The following NDRG1 variants were observed in gnomAD, a reference collection of about 807,000 sequenced individuals.
The protein encoded by NDRG1 is protein NDRG1.
NDRG1 carries 32 observed loss-of-function variants against 56.9 expected under a neutral mutation model. The observed-to-expected ratio is 0.56, with a 90% CI of 0.42 to 0.76. The LOEUF (loss-of-function observed/expected upper bound fraction) is 0.76. NDRG1 is among the 30% of genes least tolerant of loss of function. The pLI is 0.00. For synonymous variants in NDRG1, 211 were observed against 204.1 expected (o/e 1.03, Z -0.29); for missense variants, 507 against 545.7 (o/e 0.93, Z 0.71).
At chr8:133,265,800 G>A (rs922512996) in intron 3 of NDRG1, among the ~76,000 whole-genome samples, 1 of 152,106 alleles carries the variant, frequency 6.6e-6, no homozygotes, top group African/African-American at 2.4e-5. Flanking sequence ...GAGGGTGGTC[G>A]TGACTCTTTC....
intron 3 of NDRG1, among the ~76,000 whole-genome samples, chr8:133,273,764 A>G (rs973461720): frequency 2.6e-5 from 4 of 152,184 alleles, no homozygotes; most frequent in African/African-American, 9.7e-5. Flanking sequence ...GCCCTGAGAC[A>G]ATGAGTATGC....
Position 133,238,739 on chromosome 8 carries a change from C to T in NDRG1, c.*139G>A. The T allele has an allele frequency of 2.7e-6, 3 of 1,095,200 alleles. No individual in the cohort carries two copies. Among genetic ancestry groups the T allele is most frequent in the Non-Finnish European group, 3.8e-6 (3 of 785,490 alleles). The allele number at this position is 1,095,200 out of a possible 1,614,324, so 67.8% of individuals were successfully genotyped here. On this transcript the variant is annotated 3_prime_UTR_variant, in exon 16 of 16. Transcript: ENST00000323851. ...ACGTAATAGACCTCATTTGTCTCCA[C>T]CAGAGCTCACTCTTACAAAATAAGC...
intron 12 of NDRG1, 152 bp downstream of exon 12, chr8:133,247,723 C>A: frequency 1.2e-6 from 1 of 812,892 alleles, no homozygotes; most frequent in Non-Finnish European, 2.1e-6. Flanking sequence ...AGTGGCTGGG[C>A]CCTCTGCCCA....
rs1004826810 is a variant in NDRG1, at chr8:133,238,583, G to A, written c.*295C>T. 6 of 503,868 alleles carry A rather than the reference G, an allele frequency of 1.2e-5. No individual in the cohort carries two copies. The highest frequency in any genetic ancestry group is 2.1e-5 in the Non-Finnish European group (6 of 283,100). 31.2% of individuals were successfully genotyped at this position (503,868 alleles called of 1,614,324 possible). On this transcript the variant is annotated 3_prime_UTR_variant, in exon 16 of 16. Coordinates refer to ENST00000323851, the MANE Select transcript of NDRG1 (RefSeq NM_006096.4). ...GTGTGCTGCTACGCGTCTTGTTTTT[G>A]GCAGTTTGGTGTCTCTGAGGGAGGG...
At chr8:133,243,987 C>T (rs1488104115) in intron 14 of NDRG1, among the ~76,000 whole-genome samples, 1 of 151,974 alleles carries the variant, frequency 6.6e-6, no homozygotes, top group Admixed American at 6.5e-5. Flanking sequence ...AACATGCATG[C>T]ACACACACAC....
Position 133,238,549 on chromosome 8 carries a change from T to G in NDRG1, c.*329A>C. The G allele has an allele frequency of 5.3e-6, 2 of 380,204 alleles. No individual in the cohort carries two copies. Among genetic ancestry groups the G allele is most frequent in the Non-Finnish European group, 4.8e-6 (1 of 209,952 alleles). 23.6% of individuals were successfully genotyped at this position (380,204 alleles called of 1,614,324 possible). A position where few individuals can be genotyped will look rare whatever the true frequency, so the allele number is the denominator to read the frequency against. Reference sequence around the variant, plus strand: ...TGCTCAGGGCGGCCTAGGCTTGGCTTTGTGAAGTGTGTGCTGCTACGCGTC... The same window carrying G: ...TGCTCAGGGCGGCCTAGGCTTGGCTGTGTGAAGTGTGTGCTGCTACGCGTC... On this transcript the variant is annotated 3_prime_UTR_variant, in exon 16 of 16. Transcript: ENST00000323851.
At chr8:133,284,766 G>A (rs971753647) in intron 1 of NDRG1, 5 of 458,320 alleles carry the variant, frequency 1.1e-5, no homozygotes, top group African/African-American at 4.0e-5. Flanking sequence ...CCACGTATAG[G>A]CATAGTGCAA....
rs11575975 is a variant in NDRG1, at chr8:133,239,210, G to A, written c.944-91C>T. 625 of 1,532,068 alleles carry A rather than the reference G, an allele frequency of 4.1e-4. 3 individuals are homozygous for A. The East Asian group carries it at 0.011, about 28-fold the overall frequency. 94.9% of individuals were successfully genotyped at this position (1,532,068 alleles called of 1,614,324 possible). ...GTCCACCAGCCACATGCTCTTCTAC[G>A]TGCCAGCCCCAGAGAAGACTTGATC... On this transcript the variant is annotated intron_variant, in intron 15 of 15. Coordinates refer to ENST00000323851, the MANE Select transcript of NDRG1 (RefSeq NM_006096.4).
chr8:133,259,510 A>AAGATT, intron 5 of NDRG1: 1 of 498,918 alleles, frequency 2.0e-6, no homozygotes, highest in Non-Finnish European at 3.7e-6. Flanking sequence ...CCCTCATAGC[A>AAGATT]AGATTATAAA....
chr8:133,275,947 TCA>T (rs1857435236), intron 3 of NDRG1, among the ~76,000 whole-genome samples: 2 of 152,158 alleles, frequency 1.3e-5, no homozygotes, highest in Admixed American at 1.3e-4. Context: ...AAAACACAGG[TCA>T]CTGCCTGTCA....
chr8:133,245,572 G>C (rs1855628109), intron 13 of NDRG1, among the ~76,000 whole-genome samples: 1 of 152,118 alleles, frequency 6.6e-6, no homozygotes, highest in South Asian at 2.1e-4. Flanking sequence ...TACTAGCTAA[G>C]GTGAACCAAG....
intron 7 of NDRG1, among the ~76,000 whole-genome samples, chr8:133,257,733 T>C (rs1238355251): frequency 6.6e-6 from 1 of 152,210 alleles, no homozygotes; most frequent in Non-Finnish European, 1.5e-5. Context: ...CCATTTTTAA[T>C]TTGCTGAGAG....
At chr8:133,277,698 T>C (rs1344583325) in intron 3 of NDRG1, among the ~76,000 whole-genome samples, 3 of 152,206 alleles carry the variant, frequency 2.0e-5, no homozygotes, top group Non-Finnish European at 4.4e-5. Context: ...GGATGTTACG[T>C]GTATGTTTCC....
intron 5 of NDRG1, among the ~76,000 whole-genome samples, chr8:133,260,725 C>A (rs1856619125): frequency 6.6e-6 from 1 of 152,178 alleles, no homozygotes; most frequent in Non-Finnish European, 1.5e-5. Context: ...CCTTCCCTTC[C>A]TCTCTGATAA....
chr8:133,248,810 C>G, intron 10 of NDRG1, 39 bp from the exon 11 acceptor site: 1 of 1,613,070 alleles, frequency 6.2e-7, no homozygotes. Flanking sequence ...GAGGACCCCT[C>G]CCCTGGAGAA....
At chr8:133,241,928 A>T in intron 15 of NDRG1, 95 bp downstream of exon 15, 3 of 1,420,390 alleles carry the variant, frequency 2.1e-6, no homozygotes, top group South Asian at 1.1e-5. Flanking sequence ...GGCCAGGGGG[A>T]CACAGAATTG....
intron 5 of NDRG1, 161 bp from the exon 6 acceptor site, chr8:133,259,391 C>G: frequency 1.4e-6 from 1 of 702,364 alleles, no homozygotes; most frequent in East Asian, 2.7e-5. Flanking sequence ...TTCCAAGACC[C>G]CTGCAGCACA....
intron 3 of NDRG1, among the ~76,000 whole-genome samples, chr8:133,271,979 G>A (rs1182248340): frequency 6.6e-6 from 1 of 152,044 alleles, no homozygotes; most frequent in Non-Finnish European, 1.5e-5. Context: ...TGAAGTATAG[G>A]TGCCCAATGA....
In NDRG1 at chr8:133,262,161, G is replaced by T. The variant is rs1554591949; in HGVS notation, c.212C>A (p.Thr71Asn). 1 of 1,614,012 alleles carries T rather than the reference G, an allele frequency of 6.2e-7. No homozygotes were observed. The highest frequency in any genetic ancestry group is 8.5e-7 in the Non-Finnish European group (1 of 1,180,006). The change falls in exon 5 of 16, where the codon ACC becomes AAC. Residue 71 changes from threonine to asparagine, a missense_variant. Thr to Asn is a moderately conservative substitution (Grantham distance 65, BLOSUM62 0). Coordinates refer to ENST00000323851, the MANE Select transcript of NDRG1 (RefSeq NM_006096.4). ...TYHDIGMNHK[T>N]CYNPLFNYED... The stretch of plus-strand genomic sequence containing the variant: ...GTAGTTGAAGAGGGGGTTGTAGCAG[G>T]TTTTGTCTGAAGAACAGCAGTGAGG...
Sources: gnomAD v4.1 joint callset for allele counts (sites outside exome capture counted in the v4.1 genomes callset) on GRCh38, gnomAD v4.1.1 for gene constraint, MANE v1.5 for transcripts, NCBI Gene and HGNC (gene_info 2026-07-23, HGNC 2026-07-21) for gene names.